Variants in LRRC17 observed in about 807,000 individuals in gnomAD.
LRRC17 encodes leucine rich repeat containing 17.
In LRRC17, 33 loss-of-function variants were observed where a neutral mutation model predicts 41.5. That is an observed-to-expected ratio of 0.80 (90% confidence interval 0.60 to 1.06). The LOEUF is 1.06. Ranked by LOEUF, LRRC17 falls within the 50% of genes least tolerant of loss-of-function variation. The pLI is 0.00. For missense variants in LRRC17, 491 were observed against 519.3 expected (o/e 0.95, Z 0.53); for synonymous variants, 192 against 197.0 (o/e 0.97, Z 0.21).
At chr7:102,939,190 G>A (rs931389386) in intron 2 of LRRC17, among the ~76,000 whole-genome samples, 1 of 152,180 alleles carries the variant, frequency 6.6e-6, no homozygotes, top group Non-Finnish European at 1.5e-5. Flanking sequence ...TGGCTTTATA[G>A]GGCCTTAGTG....
At chr7:102,929,650 T>G (rs1286965423) in intron 1 of LRRC17, among the ~76,000 whole-genome samples, 1 of 114,892 alleles carries the variant, frequency 8.7e-6, no homozygotes, top group African/African-American at 3.4e-5. Context: ...GGCAACAGAG[T>G]GAGACTCCAT....
rs183278180 is a variant in LRRC17, at chr7:102,917,071, T to G, written c.-141+3926T>G. 3.5e-3 allele frequency among the ~76,000 whole-genome samples: 540 copies of G among 152,292 alleles called. 2 individuals are homozygous for G. Among genetic ancestry groups the G allele is most frequent in the Middle Eastern group, 0.01 (3 of 294 alleles). On this transcript the variant is annotated intron_variant, in intron 1 of 3. Transcript: ENST00000339431. ...TACTCTGTAAAAGAGGGAATTTGCA[T>G]GTGGATTCTTTTGAGTTGAGTGTTG...
chr7:102,937,957 G>T (rs531589652), intron 2 of LRRC17, among the ~76,000 whole-genome samples: 1 of 152,260 alleles, frequency 6.6e-6, no homozygotes, highest in East Asian at 1.9e-4. Context: ...GTGTGTATAG[G>T]GGACCTAATA....
intron 1 of LRRC17, among the ~76,000 whole-genome samples, chr7:102,927,695 G>T (rs1226232552): frequency 6.6e-6 from 1 of 152,162 alleles, no homozygotes; most frequent in Admixed American, 6.5e-5. Flanking sequence ...GGCCAGTGCA[G>T]AGCTTTTGAT....
At chr7:102,913,350 T>A in intron 1 of LRRC17, 1 of 1,035,020 alleles carries the variant, frequency 9.7e-7, no homozygotes, top group Non-Finnish European at 1.4e-6. Flanking sequence ...ACTTTACTGT[T>A]AACTCTCTAC....
intron 1 of LRRC17, 80 bp downstream of exon 1, chr7:102,913,225 C>T: frequency 2.5e-6 from 4 of 1,613,984 alleles, no homozygotes; most frequent in Non-Finnish European, 3.4e-6. Flanking sequence ...CCTGAAAAGA[C>T]AAAAGAGAGG....
intron 1 of LRRC17, among the ~76,000 whole-genome samples, chr7:102,915,735 A>C (rs1447267346): frequency 1.8e-5 from 2 of 110,930 alleles, no homozygotes; most frequent in Non-Finnish European, 3.4e-5. Flanking sequence ...CCAAATAAAA[A>C]AACATTTATG....
At chr7:102,917,838 G>A (rs1334524632) in intron 1 of LRRC17, among the ~76,000 whole-genome samples, 1 of 152,162 alleles carries the variant, frequency 6.6e-6, no homozygotes, top group Admixed American at 6.5e-5. Context: ...GTGCCACCTA[G>A]GTTGTGACAA....
chr7:102,915,433 T>C (rs968967415), intron 1 of LRRC17, among the ~76,000 whole-genome samples: 1 of 152,218 alleles, frequency 6.6e-6, no homozygotes, highest in Non-Finnish European at 1.5e-5. Context: ...TGGATACTTA[T>C]CTCCAAGAGT....
intron 2 of LRRC17, among the ~76,000 whole-genome samples, chr7:102,935,721 C>G (rs548502982): frequency 1.1e-3 from 166 of 152,200 alleles, no homozygotes; most frequent in Non-Finnish European, 1.6e-3. Context: ...CCTACAATAA[C>G]GAACCATGTA....
intron 1 of LRRC17, chr7:102,926,188 G>A (rs1275837827): frequency 9.3e-7 from 1 of 1,075,122 alleles, no homozygotes; most frequent in Non-Finnish European, 1.4e-6. Context: ...GATAAAGGGA[G>A]CACTGCCCTT....
intron 1 of LRRC17, among the ~76,000 whole-genome samples, chr7:102,917,608 A>G (rs1228966248): frequency 2.6e-5 from 4 of 152,188 alleles, no homozygotes; most frequent in Admixed American, 1.3e-4. Context: ...CAATCAGATG[A>G]CTGGAGTTAA....
intron 1 of LRRC17, among the ~76,000 whole-genome samples, chr7:102,929,195 A>G (rs1414985877): frequency 6.6e-6 from 1 of 152,214 alleles, no homozygotes. Context: ...CATGTTTTGA[A>G]AAGATGTTTT....
intron 1 of LRRC17, among the ~76,000 whole-genome samples, chr7:102,916,985 T>C (rs139878514): frequency 1.3e-5 from 2 of 151,974 alleles, no homozygotes; most frequent in Non-Finnish European, 2.9e-5. Context: ...ACTACTAAGA[T>C]GAATGGAAAA....
At chr7:102,927,083 G>A (rs939257839) in intron 1 of LRRC17, among the ~76,000 whole-genome samples, 2 of 152,148 alleles carry the variant, frequency 1.3e-5, no homozygotes, top group African/African-American at 4.8e-5. Flanking sequence ...AAATAAGAGA[G>A]ACAGAAAAAC....
At chr7:102,942,307 C>T (rs1386606523) in intron 3 of LRRC17, 1 of 1,595,868 alleles carries the variant, frequency 6.3e-7, no homozygotes, top group African/African-American at 1.4e-5. Flanking sequence ...GAGATGAAAC[C>T]CTGCAAGTAG....
intron 1 of LRRC17, chr7:102,931,913 C>G (rs1284029625): frequency 6.2e-7 from 1 of 1,613,498 alleles, no homozygotes; most frequent in Admixed American, 1.7e-5. Flanking sequence ...ACATTCAACT[C>G]TTGCAAGTTC....
chr7:102,939,708 T>G (rs1230488196), intron 3 of LRRC17, 123 bp downstream of exon 3: 2 of 910,302 alleles, frequency 2.2e-6, no homozygotes, highest in Non-Finnish European at 3.2e-6. Flanking sequence ...AAGTACAAGT[T>G]TTAATTAAAC....
chr7:102,931,838 T>G, intron 1 of LRRC17: 2 of 1,581,412 alleles, frequency 1.3e-6, no homozygotes, highest in Non-Finnish European at 1.7e-6. Context: ...ATGTAGCAAG[T>G]CAATCTATAT....
Sources: allele counts gnomAD v4.1 joint callset (sites outside exome capture counted in the v4.1 genomes callset), GRCh38; gene constraint gnomAD v4.1.1; transcripts MANE v1.5; gene names NCBI Gene and HGNC (gene_info 2026-07-23, HGNC 2026-07-21).